Variants in PCDHGA1 observed in about 807,000 individuals in gnomAD.
PCDHGA1 encodes the protein protocadherin gamma-A1.
In PCDHGA1, 32 loss-of-function variants were observed where a neutral mutation model predicts 58.0. The observed-to-expected ratio is 0.55, with a 90% CI of 0.42 to 0.74. The LOEUF (loss-of-function observed/expected upper bound fraction) is 0.74, where lower values mean the gene tolerates loss of function less well. PCDHGA1 is among the 30% of genes least tolerant of loss of function. The pLI is 0.00. For synonymous variants in PCDHGA1, 498 were observed against 501.1 expected (o/e 0.99, Z 0.08); for missense variants, 1,205 against 1,182.3 (o/e 1.02, Z -0.28).
chr5:141,333,167 T>C (rs776003596), intron 1 of PCDHGA1, 62 bp downstream of exon 1: 10 of 1,607,892 alleles, frequency 6.2e-6, no homozygotes, highest in Non-Finnish European at 7.7e-6. Flanking sequence ...TTTAACTTAC[T>C]AGCGTTCGCT....
intron 1 of PCDHGA1, chr5:141,355,756 G>A (rs1307748694): frequency 1.2e-6 from 2 of 1,613,948 alleles, no homozygotes; most frequent in South Asian, 1.1e-5. Context: ...GCAAAGTGGG[G>A]CCGATGGGAT....
intron 1 of PCDHGA1, chr5:141,423,106 G>A (rs562864937): frequency 1.2e-6 from 2 of 1,613,894 alleles, no homozygotes; most frequent in Admixed American, 1.7e-5. Context: ...CACGGGCGAG[G>A]TGCGTACAGC....
intron 1 of PCDHGA1, chr5:141,422,710 G>T: frequency 6.2e-7 from 1 of 1,603,486 alleles, no homozygotes; most frequent in African/African-American, 1.3e-5. Context: ...TCTGACGGAT[G>T]ACACTGTCCA....
intron 1 of PCDHGA1, chr5:141,345,811 C>A (rs1757645365): frequency 6.2e-7 from 1 of 1,613,738 alleles, no homozygotes; most frequent in African/African-American, 1.3e-5. Flanking sequence ...AAGGTGGTGG[C>A]GGTGGACAGA....
chr5:141,361,472 AC>A, intron 1 of PCDHGA1: 1 of 1,614,024 alleles, frequency 6.2e-7, no homozygotes, highest in Admixed American at 1.7e-5. Flanking sequence ...TCCGACGTCA[AC>A]GATAATGCCC....
chr5:141,346,942 A>G (rs1757831150), intron 1 of PCDHGA1, among the ~76,000 whole-genome samples: 1 of 152,236 alleles, frequency 6.6e-6, no homozygotes, highest in Non-Finnish European at 1.5e-5. Context: ...TTTTATGCCC[A>G]TGAAATTAAA....
At chr5:141,502,404 C>A (rs1270930372) in intron 2 of PCDHGA1, among the ~76,000 whole-genome samples, 1 of 151,880 alleles carries the variant, frequency 6.6e-6, no homozygotes, top group Non-Finnish European at 1.5e-5. Flanking sequence ...TGTCCCCGAA[C>A]CTGGATTTGC....
intron 2 of PCDHGA1, among the ~76,000 whole-genome samples, chr5:141,502,654 C>T (rs1424933188): frequency 6.6e-6 from 1 of 152,230 alleles, no homozygotes; most frequent in South Asian, 2.1e-4. Context: ...TAGGCAGCAA[C>T]CCTTCATGCA....
chr5:141,423,273 G>C, intron 1 of PCDHGA1: 2 of 1,613,896 alleles, frequency 1.2e-6, no homozygotes, highest in Non-Finnish European at 1.7e-6. Flanking sequence ...TCGAGTCTCT[G>C]GCTAACTCTG....
intron 1 of PCDHGA1, chr5:141,333,356 ATC>A (rs2149714682): frequency 3.2e-6 from 2 of 624,218 alleles, no homozygotes; most frequent in South Asian, 4.3e-5. Context: ...GTGAGATGCC[ATC>A]TCTGTTTGGA....
At chr5:141,404,408 A>G in intron 1 of PCDHGA1, 1 of 1,613,900 alleles carries the variant, frequency 6.2e-7, no homozygotes, top group Non-Finnish European at 8.5e-7. Flanking sequence ...TGAGAATTCT[A>G]GAGTTATTTA....
At chr5:141,369,714 T>A (rs565396016) in intron 1 of PCDHGA1, among the ~76,000 whole-genome samples, 20 of 152,268 alleles carry the variant, frequency 1.3e-4, no homozygotes, top group African/African-American at 4.3e-4. Context: ...CATTATAACT[T>A]TTAGAAGTTA....
In PCDHGA1 at chr5:141,485,269, C is replaced by T. The variant is rs760197007; in HGVS notation, c.2422-9538C>T. The T allele has an allele frequency of 6.2e-7, 1 of 1,614,090 alleles. No homozygotes were observed. Among genetic ancestry groups the T allele is most frequent in the Admixed American group, 1.7e-5 (1 of 60,028 alleles). On this transcript the variant is annotated intron_variant, in intron 1 of 3. Transcript: ENST00000517417. The surrounding 1 kb of genome is among the most constrained non-coding windows in gnomAD (Gnocchi z 5.7). ...TGGGTTACGTTTGTGGGCAGATCCG[C>T]TACCCGGTCCCAGAGGAGTCACAGG... is the stretch of plus-strand genomic sequence containing the variant.
chr5:141,427,294 A>G (rs1239553754), intron 1 of PCDHGA1: 6 of 456,876 alleles, frequency 1.3e-5, no homozygotes, highest in Non-Finnish European at 2.2e-5. Context: ...GAAATCCTAG[A>G]TGAGAATGAC....
intron 1 of PCDHGA1, chr5:141,392,959 C>T (rs2092637209): frequency 6.2e-7 from 1 of 1,613,902 alleles, no homozygotes; most frequent in African/African-American, 1.3e-5. Flanking sequence ...GGTAATATCT[C>T]CAAGGACCTG....
intron 1 of PCDHGA1, among the ~76,000 whole-genome samples, chr5:141,445,356 A>C (rs1333905692): frequency 6.6e-6 from 1 of 152,202 alleles, no homozygotes; most frequent in Non-Finnish European, 1.5e-5. Flanking sequence ...TGTCTGCCCA[A>C]GTCTGGTCCT....
At chr5:141,479,862 C>T (rs2099508997) in intron 1 of PCDHGA1, among the ~76,000 whole-genome samples, 1 of 152,170 alleles carries the variant, frequency 6.6e-6, no homozygotes, top group Non-Finnish European at 1.5e-5. Flanking sequence ...GGCCTTTGCC[C>T]TGGAGAGAAC....
chr5:141,430,477 A>G (rs1329218924), intron 1 of PCDHGA1: 1 of 244,524 alleles, frequency 4.1e-6, no homozygotes, highest in Non-Finnish European at 7.7e-6. Context: ...TATTTAAGAT[A>G]TAAAAACGAA....
intron 1 of PCDHGA1, chr5:141,384,094 G>T: frequency 6.3e-7 from 1 of 1,596,384 alleles, no homozygotes. Flanking sequence ...AAAATCAATA[G>T]ATAATTATTA....
Sources: allele counts gnomAD v4.1 joint callset (sites outside exome capture counted in the v4.1 genomes callset), GRCh38; gene constraint gnomAD v4.1.1; non-coding constraint Gnocchi (gnomAD v3.1); transcripts MANE v1.5; gene names NCBI Gene and HGNC (gene_info 2026-07-23, HGNC 2026-07-21).